TRHDE: variants seen among roughly 807,000 people sequenced by gnomAD.
The protein encoded by TRHDE is thyrotropin-releasing hormone-degrading ectoenzyme.
A neutral mutation model predicts 125.7 loss-of-function variants in TRHDE; 72 were observed. The ratio of observed to expected loss-of-function variants is 0.57; its 90% CI spans 0.47 to 0.70. The LOEUF (loss-of-function observed/expected upper bound fraction) is 0.70. TRHDE is among the 30% of genes least tolerant of loss of function. TRHDE has a pLI of 0.00. For synonymous variants in TRHDE, 509 were observed against 509.1 expected, an observed-to-expected ratio of 1.00 and a Z score of 0.00; for missense variants, 1,110 against 1,327.1, an observed-to-expected ratio of 0.84 and a Z score of 2.54.
intron 15 of TRHDE, among the ~76,000 whole-genome samples, chr12:72,622,152 C>T (rs1873080274): frequency 6.6e-6 from 1 of 151,754 alleles, no homozygotes; most frequent in Non-Finnish European, 1.5e-5. Context: ...AGTAGCATAA[C>T]AAATGTTAAT....
At chr12:72,192,104 A>G (rs1278622294) in intron 2 of TRHDE, among the ~76,000 whole-genome samples, 7 of 151,810 alleles carry the variant, frequency 4.6e-5, no homozygotes, top group African/African-American at 1.7e-4. Context: ...TATAGTGACT[A>G]CTTATAAATG....
At chr12:72,606,840 T>C (rs1872465492) in intron 12 of TRHDE, among the ~76,000 whole-genome samples, 1 of 152,166 alleles carries the variant, frequency 6.6e-6, no homozygotes, top group South Asian at 2.1e-4. Flanking sequence ...CCTTTTATAC[T>C]ATTTTGAAGC....
At chr12:72,313,175 C>T (rs1868630407) in intron 2 of TRHDE, among the ~76,000 whole-genome samples, 1 of 151,962 alleles carries the variant, frequency 6.6e-6, no homozygotes, top group African/African-American at 2.4e-5. Context: ...TTTCCTAAAA[C>T]TAAAATATTT....
intron 3 of TRHDE, among the ~76,000 whole-genome samples, chr12:72,410,976 A>G (rs573050415): frequency 1.1e-4 from 16 of 152,110 alleles, no homozygotes; most frequent in African/African-American, 3.9e-4. Flanking sequence ...GTGGATCACG[A>G]GGTCAGGAGA....
rs1879370991 is a variant in TRHDE, at chr12:72,273,863, T to C, written c.914+306T>C. The C allele has an allele frequency of 1.1e-5, 4 of 349,912 alleles. No homozygotes were observed. The highest frequency in any genetic ancestry group is 2.0e-5 in the African/African-American group (1 of 49,158). The allele number at this position is 349,912 out of a possible 1,614,324, so 21.7% of individuals were successfully genotyped here. A position where few individuals can be genotyped will look rare whatever the true frequency, so the allele number is the denominator to read the frequency against. ...AGCCATCGAAACGCAGGGCTCTTTT[T>C]CTGAAGGGTAGCTGATAATCTGAGC... On this transcript the variant is annotated intron_variant, in intron 1 of 18. Transcript: ENST00000261180. The surrounding 1 kb of genome is among the most constrained non-coding windows in gnomAD (Gnocchi z 5.3).
At chr12:72,285,088 A>C (rs576066869) in intron 1 of TRHDE, among the ~76,000 whole-genome samples, 5 of 152,030 alleles carry the variant, frequency 3.3e-5, no homozygotes, top group Middle Eastern at 3.4e-3. Flanking sequence ...ACTAAGCTTT[A>C]AAAAATGAGG....
chr12:72,493,209 A>T (rs1333959562), intron 5 of TRHDE, among the ~76,000 whole-genome samples: 1 of 151,982 alleles, frequency 6.6e-6, no homozygotes, highest in African/African-American at 2.4e-5. Flanking sequence ...ATATCCAGAT[A>T]TTGTGAACAT....
intron 3 of TRHDE, among the ~76,000 whole-genome samples, chr12:72,399,063 C>T (rs549937565): frequency 5.9e-5 from 9 of 152,134 alleles, no homozygotes; most frequent in Non-Finnish European, 1.3e-4. Flanking sequence ...GGAGCACAAA[C>T]CCTACTGTGA....
intron 2 of TRHDE, among the ~76,000 whole-genome samples, chr12:72,168,665 A>G (rs536553165): frequency 4.6e-5 from 7 of 152,314 alleles, no homozygotes; most frequent in East Asian, 3.9e-4. Flanking sequence ...ATTTTCTGCA[A>G]TTGAACTTGT....
At chr12:72,495,918 T>A (rs193088675) in intron 5 of TRHDE, among the ~76,000 whole-genome samples, 1 of 152,298 alleles carries the variant, frequency 6.6e-6, no homozygotes, top group Admixed American at 6.5e-5. Flanking sequence ...ATGATATACT[T>A]GATATTACTG....
chr12:72,298,530 G>T (rs923680783), intron 2 of TRHDE, among the ~76,000 whole-genome samples: 2 of 151,976 alleles, frequency 1.3e-5, no homozygotes, highest in African/African-American at 4.8e-5. Flanking sequence ...TTACTTTAAA[G>T]AACTGTTTTT....
chr12:72,333,567 G>T (rs1171905200), intron 2 of TRHDE, among the ~76,000 whole-genome samples: 1 of 152,158 alleles, frequency 6.6e-6, no homozygotes, highest in South Asian at 2.1e-4. Flanking sequence ...AGACATGGGC[G>T]ATAGGAACCC....
chr12:72,476,123 G>A (rs1041934435), intron 5 of TRHDE, among the ~76,000 whole-genome samples: 2 of 152,140 alleles, frequency 1.3e-5, no homozygotes, highest in South Asian at 4.1e-4. Context: ...CACTATATTG[G>A]CCAGGCTGCT....
At chr12:72,650,122 A>G (rs1209505987) in intron 15 of TRHDE, among the ~76,000 whole-genome samples, 3 of 152,154 alleles carry the variant, frequency 2.0e-5, no homozygotes, top group Non-Finnish European at 2.9e-5. Context: ...TGATGTGGAA[A>G]CAATCTAAAT....
At chr12:72,586,833 T>C (rs770100751) in intron 12 of TRHDE, among the ~76,000 whole-genome samples, 57 of 151,314 alleles carry the variant, frequency 3.8e-4, no homozygotes, top group Non-Finnish European at 7.8e-4. Context: ...GAAGAAAATA[T>C]TGTTAGTCTA....
At chr12:72,461,772 T>G (rs1876136896) in intron 3 of TRHDE, among the ~76,000 whole-genome samples, 1 of 152,144 alleles carries the variant, frequency 6.6e-6, no homozygotes, top group Non-Finnish European at 1.5e-5. Context: ...AAATCTATAA[T>G]GGAACATATT....
intron 2 of TRHDE, among the ~76,000 whole-genome samples, chr12:72,311,568 T>C (rs1164081709): frequency 6.6e-6 from 1 of 152,202 alleles, no homozygotes. Context: ...TGACTATTCA[T>C]GAAACAAATG....
In TRHDE at chr12:72,406,646, T is replaced by C. The variant is rs576322800; in HGVS notation, c.1315+28525T>C. On this transcript the variant is annotated intron_variant, in intron 3 of 18. Transcript: ENST00000261180. ...CACTCTTTTTTCTTCATGAGATACA[T>C]ATTTATTTCCCTTTGTTTTCACCGC... Among the ~76,000 whole-genome samples the C allele has an allele frequency of 2.2e-4, 34 of 152,332 alleles. No homozygotes were observed. The South Asian group carries it at 6.0e-3, about 27-fold the overall frequency.
Position 72,501,593 on chromosome 12 carries a change from TA to T in TRHDE, c.1722+1965del, listed in dbSNP as rs146303680. On this transcript the variant is annotated intron_variant, in intron 6 of 18. Coordinates refer to ENST00000261180, the MANE Select transcript of TRHDE (RefSeq NM_013381.3). ...TTATAAATTGTTGGATTCAATTTGC[TA>T]AAAAAATGTTTAGAAATTTTGCATC... Among the ~76,000 whole-genome samples the T allele has an allele frequency of 3.6e-3, 549 of 152,162 alleles. 19 individuals are homozygous for T. In the East Asian group the frequency reaches 0.086, roughly 24 times the overall value.
Sources: gnomAD v4.1 joint callset for allele counts (sites outside exome capture counted in the v4.1 genomes callset) on GRCh38, gnomAD v4.1.1 for gene constraint, Gnocchi (gnomAD v3.1) non-coding constraint, MANE v1.5 for transcripts, NCBI Gene and HGNC (gene_info 2026-07-23, HGNC 2026-07-21) for gene names.